STRIP1: variants seen among roughly 807,000 people sequenced by gnomAD.
STRIP1 encodes striatin interacting protein 1, also known as striatin-interacting protein 1.
STRIP1 carries 63 observed loss-of-function variants against 106.2 expected under a neutral mutation model. That is an observed-to-expected ratio of 0.59 (90% CI 0.48 to 0.73). The LOEUF (loss-of-function observed/expected upper bound fraction) is 0.73, where lower values mean the gene tolerates loss of function less well. Ranked by LOEUF, STRIP1 falls within the 30% of genes least tolerant of loss-of-function variation. The pLI, the probability that STRIP1 is intolerant of heterozygous loss-of-function variation, is 0.00. For missense variants in STRIP1, 857 were observed against 1,074.8 expected (o/e 0.80, Z 2.83); for synonymous variants, 390 against 413.0 (o/e 0.94, Z 0.67).
intron 12 of STRIP1, among the ~76,000 whole-genome samples, 155 bp from the exon 13 acceptor site, chr1:110,046,524 TG>T (rs1570923931): frequency 1.3e-5 from 2 of 152,082 alleles, no homozygotes. Flanking sequence ...AAAAAATATC[TG>T]GGGTTTGGGA....
Position 110,038,769 on chromosome 1 carries a change from T to C in STRIP1, c.325+12T>C, listed in dbSNP as rs1242020258. On this transcript the variant is annotated intron_variant, in intron 3 of 20. Coordinates refer to ENST00000369795, the MANE Select transcript of STRIP1 (RefSeq NM_033088.4). ...CTTCCGGATCCATGGTGAGATGATTTCCCACACTTCTTGCTTCCTTTGCCC... is the reference window on the plus strand; with the variant it reads ...CTTCCGGATCCATGGTGAGATGATTCCCCACACTTCTTGCTTCCTTTGCCC... 2 of 1,612,422 alleles carry C rather than the reference T, an allele frequency of 1.2e-6. No homozygotes were observed. Among genetic ancestry groups the C allele is most frequent in the African/African-American group, 2.7e-5 (2 of 74,874 alleles).
intron 10 of STRIP1, 151 bp downstream of exon 10, chr1:110,044,007 C>T: frequency 1.3e-6 from 1 of 745,970 alleles, no homozygotes; most frequent in Non-Finnish European, 2.3e-6. Context: ...GCACCCTGTG[C>T]TGTCCTGAGG....
At position 110,044,918 on chromosome 1, in the gene STRIP1, C is replaced by T. The variant is rs200704599; in HGVS notation, c.1352+13C>T. ...ACACTCTAGGCAGGTGAGTAAAAGC[C>T]GAGTTCATTTTGCTGTTAGCTCTCC... On this transcript the variant is annotated intron_variant, in intron 11 of 20. Coordinates refer to ENST00000369795, the MANE Select transcript of STRIP1 (RefSeq NM_033088.4). 1.9e-4 allele frequency: 313 copies of T among 1,614,034 alleles called. 1 individual carries two copies. The African/African-American group carries it at 3.5e-3, about 18-fold the overall frequency.
intron 17 of STRIP1, chr1:110,050,084 G>A (rs993969313): frequency 2.0e-6 from 1 of 493,176 alleles, no homozygotes; most frequent in Non-Finnish European, 3.7e-6. Context: ...TGATTGCTGT[G>A]GGGGAAGCTG....
Position 110,050,051 on chromosome 1 carries a change from C to T in STRIP1, c.1890-292C>T, listed in dbSNP as rs560307008. ...TTTGGCATAAATTAGTTGCCCTGAG[C>T]TATCTCCTCCCCCGCCCCACATTGA... On this transcript the variant is annotated intron_variant, in intron 17 of 20. Coordinates refer to ENST00000369795, the MANE Select transcript of STRIP1 (RefSeq NM_033088.4). The T allele has an allele frequency of 3.3e-4, 146 of 440,510 alleles. 2 individuals carry two copies. Among genetic ancestry groups the T allele is most frequent in the South Asian group, 3.2e-3 (130 of 40,918 alleles). 27.3% of individuals were successfully genotyped at this position (440,510 alleles called of 1,614,324 possible).
At position 110,049,739 on chromosome 1, in the gene STRIP1, G is replaced by T; in HGVS notation, c.1889+179G>T. 3.3e-5 allele frequency: 19 copies of T among 580,644 alleles called. No individual in the cohort carries two copies. The South Asian group carries it at 4.0e-4, about 12-fold the overall frequency. 36.0% of individuals were successfully genotyped at this position (580,644 alleles called of 1,614,324 possible). On this transcript the variant is annotated intron_variant, in intron 17 of 20. Coordinates refer to ENST00000369795, the MANE Select transcript of STRIP1 (RefSeq NM_033088.4). ...GTGGAGAGCCCACTGTGTCAAATCT[G>T]AGTCTAGCTAGTCCTGCCCCAGGTG...
rs764720929 is a variant in STRIP1, at chr1:110,043,224, C to T, written c.1022C>T (p.Ser341Leu). ...MRAASPPASA[S>L]DLIEQQQKRG... Reference sequence around the variant, plus strand: ...GCAGCCTCTCCACCAGCATCTGCTTCAGACTTGATTGAGCAGCAGCAGAAA... The same window carrying T: ...GCAGCCTCTCCACCAGCATCTGCTTTAGACTTGATTGAGCAGCAGCAGAAA... Residue 341 changes from serine to leucine, a missense_variant, in exon 9 of 21, where the codon TCA (serine) becomes TTA (leucine). Physicochemically the swap from Ser to Leu is moderately radical, Grantham distance 145 (BLOSUM62 -2). This residue lies in a region of STRIP1 where 750 missense variants were observed against 989.8 expected (regional missense o/e 0.76). Coordinates refer to ENST00000369795, the MANE Select transcript of STRIP1 (RefSeq NM_033088.4). 1.9e-6 allele frequency: 3 copies of T among 1,613,610 alleles called. No homozygotes were observed. The highest frequency in any genetic ancestry group is 1.3e-5 in the African/African-American group (1 of 74,946).
At chr1:110,049,648 G>A in intron 17 of STRIP1, 88 bp downstream of exon 17, 1 of 908,374 alleles carries the variant, frequency 1.1e-6, no homozygotes, top group Non-Finnish European at 1.8e-6. Context: ...CATTTTTCCA[G>A]CACCTACGAG....
chr1:110,032,135 T>C (rs1652209048), upstream of STRIP1, among the ~76,000 whole-genome samples: 1 of 152,176 alleles, frequency 6.6e-6, no homozygotes, highest in Non-Finnish European at 1.5e-5. Context: ...CATACACCTA[T>C]CTTTATCTAA....
In STRIP1 at chr1:110,038,078, A is replaced by ATGTG. The variant is rs200288144; in HGVS notation, c.250+119_250+120insGTGT. ...CTTTCCCTAGTTCTATCAAATATAT[A>ATGTG]TATATATATATATATATATATATAT... On this transcript the variant is annotated intron_variant, in intron 2 of 20. Coordinates refer to ENST00000369795, the MANE Select transcript of STRIP1 (RefSeq NM_033088.4). 2.3e-3 allele frequency: 121 copies of ATGTG among 52,394 alleles called. 4 individuals are homozygous for ATGTG. The South Asian group carries it at 0.029, about 12-fold the overall frequency. 3.2% of individuals were successfully genotyped at this position (52,394 alleles called of 1,614,324 possible).
chr1:110,049,379 G>T, intron 16 of STRIP1, 81 bp from the exon 17 acceptor site: 2 of 1,547,260 alleles, frequency 1.3e-6, no homozygotes, highest in Non-Finnish European at 1.8e-6. Context: ...CTTCAGCCAA[G>T]GCCTTTCATC....
chr1:110,045,183 C>G (rs762799864), intron 12 of STRIP1, 105 bp downstream of exon 12: 6 of 1,033,254 alleles, frequency 5.8e-6, no homozygotes, highest in Non-Finnish European at 9.0e-6. Flanking sequence ...CCTGCAAGAA[C>G]CTGGGGTAGA....
At chr1:110,047,190 C>G (rs907840495) in intron 13 of STRIP1, among the ~76,000 whole-genome samples, 1 of 152,158 alleles carries the variant, frequency 6.6e-6, no homozygotes, top group Non-Finnish European at 1.5e-5. Flanking sequence ...GGCTGAGACA[C>G]GTCTAGTGCA....
At chr1:110,034,122 T>C (rs561936186), upstream of STRIP1, among the ~76,000 whole-genome samples, 4 of 152,242 alleles carry the variant, frequency 2.6e-5, no homozygotes, top group African/African-American at 9.6e-5. Flanking sequence ...TATTTGTCTA[T>C]TGTTTGTCTG....
intron 2 of STRIP1, among the ~76,000 whole-genome samples, 160 bp from the exon 3 acceptor site, chr1:110,038,523 A>G (rs1053001747): frequency 2.0e-5 from 3 of 152,192 alleles, no homozygotes; most frequent in African/African-American, 7.2e-5. Flanking sequence ...ACATCAGAGC[A>G]CTAAGATCCC....
At chr1:110,035,560 C>G (rs971377180) in intron 1 of STRIP1, among the ~76,000 whole-genome samples, 1 of 152,194 alleles carries the variant, frequency 6.6e-6, no homozygotes, top group African/African-American at 2.4e-5. Context: ...CTGGAACTGA[C>G]TAGTAACCTC....
intron 16 of STRIP1, 65 bp downstream of exon 16, chr1:110,049,303 C>G: frequency 9.3e-6 from 15 of 1,610,080 alleles, no homozygotes; most frequent in Non-Finnish European, 1.3e-5. Context: ...CTCCTCCAGC[C>G]CACAAGAACG....
Position 110,041,728 on chromosome 1 carries a change from C to T in STRIP1, c.758-6C>T. 1 of 1,614,140 alleles carries T rather than the reference C, an allele frequency of 6.2e-7. No homozygotes were observed. The highest frequency in any genetic ancestry group is 8.5e-7 in the Non-Finnish European group (1 of 1,180,024). ...GAGGGTCCTGATACCTTTGTGTCAC[C>T]TCCAGGCTCCCCGCTGTACAACAAT... On this transcript the variant is annotated splice_region_variant and splice_polypyrimidine_tract_variant and intron_variant, in intron 7 of 20. Transcript: ENST00000369795.
Position 110,051,841 on chromosome 1 carries a change from C to T in STRIP1, c.2220C>T (p.Tyr740=). ...ACATGAAGACCATGTCTGCCATCTA[C>T]CAGAAGGTGCGGCATCGGCTGAACG... The part of the protein sequence containing the change: ...KSNMKTMSAI[Y]QKVRHRLNDD... Residue 740 remains tyrosine (Y), a synonymous_variant, in exon 20 of 21, where the codon TAC becomes TAT. Transcript: ENST00000369795. 6.2e-7 allele frequency: 1 copy of T among 1,613,300 alleles called. No individual in the cohort carries two copies. The highest frequency in any genetic ancestry group is 8.5e-7 in the Non-Finnish European group (1 of 1,180,002).
Sources: allele counts gnomAD v4.1 joint callset (sites outside exome capture counted in the v4.1 genomes callset), GRCh38; gene constraint gnomAD v4.1.1; regional missense constraint gnomAD v4.1.1; transcripts MANE v1.5; gene names NCBI Gene and HGNC (gene_info 2026-07-23, HGNC 2026-07-21).